The following COLEC11 variants were observed in gnomAD, a reference collection of about 807,000 sequenced individuals.
COLEC11 encodes collectin-11.
A neutral mutation model predicts 27.3 loss-of-function variants in COLEC11; 20 were observed. The observed-to-expected ratio is 0.73, with a 90% CI of 0.51 to 1.06. The LOEUF (loss-of-function observed/expected upper bound fraction) is 1.06, where lower values mean the gene tolerates loss of function less well. Among genes scored for constraint, COLEC11 ranks in the 50% least tolerant of loss-of-function variants. COLEC11 has a pLI of 0.00. For synonymous variants in COLEC11, 163 were observed against 154.7 expected, an observed-to-expected ratio of 1.05 and a Z score of -0.40; for missense variants, 310 against 383.0, an observed-to-expected ratio of 0.81 and a Z score of 1.59.
chr2:3,629,626 A>T (rs1037751680), intron 3 of COLEC11, among the ~76,000 whole-genome samples: 2 of 152,140 alleles, frequency 1.3e-5, no homozygotes, highest in Admixed American at 6.5e-5. Context: ...ATTTGTGTGT[A>T]TGTGCATATA....
intron 4 of COLEC11, among the ~76,000 whole-genome samples, chr2:3,639,114 C>T (rs1230980229): frequency 2.0e-5 from 3 of 152,330 alleles, no homozygotes; most frequent in Admixed American, 1.3e-4. Flanking sequence ...TCAGGGTTCA[C>T]CTGTGTGGTA....
chr2:3,630,684 C>G (rs556871509), intron 3 of COLEC11, among the ~76,000 whole-genome samples: 1 of 152,326 alleles, frequency 6.6e-6, no homozygotes, highest in East Asian at 1.9e-4. Context: ...GAGAAGGGCT[C>G]TGGTGAAGCT....
chr2:3,615,831 G>A (rs1353638874), intron 3 of COLEC11, among the ~76,000 whole-genome samples: 11 of 37,174 alleles, frequency 3.0e-4, no homozygotes, highest in African/African-American at 4.9e-4. Context: ...CCTCCCGGAC[G>A]CGGCGGCTGG....
chr2:3,616,697 G>A (rs1038749064), intron 3 of COLEC11, among the ~76,000 whole-genome samples: 11 of 152,350 alleles, frequency 7.2e-5, no homozygotes, highest in Admixed American at 3.9e-4. Context: ...GCAGTGAGCC[G>A]AGATGGCAGC....
Position 3,644,471 on chromosome 2 carries a change from G to C in COLEC11, c.*353G>C, listed in dbSNP as rs1666122692. 2.0e-6 allele frequency: 1 copy of C among 502,262 alleles called. No individual in the cohort carries two copies. Among genetic ancestry groups the C allele is most frequent in the African/African-American group, 1.9e-5 (1 of 51,844 alleles). 31.1% of individuals were successfully genotyped at this position (502,262 alleles called of 1,614,324 possible). A position where few individuals can be genotyped will look rare whatever the true frequency, so the allele number is the denominator to read the frequency against. On this transcript the variant is annotated 3_prime_UTR_variant, in exon 7 of 7. Transcript: ENST00000349077. Reference sequence around the variant, plus strand: ...AGTTAAGTCCAAATAGTGGCAATGGGGTCTTGAATTACTACCTTTTAATTT... The same window carrying C: ...AGTTAAGTCCAAATAGTGGCAATGGCGTCTTGAATTACTACCTTTTAATTT...
At chr2:3,628,628 C>T (rs13019094) in intron 3 of COLEC11, among the ~76,000 whole-genome samples, 1 of 152,086 alleles carries the variant, frequency 6.6e-6, no homozygotes, top group African/African-American at 2.4e-5. Flanking sequence ...CCCCACCCCC[C>T]ATTCGAGGAG....
At chr2:3,616,235 C>T (rs1663717305) in intron 3 of COLEC11, among the ~76,000 whole-genome samples, 1 of 150,774 alleles carries the variant, frequency 6.6e-6, no homozygotes, top group South Asian at 2.1e-4. Context: ...ACTTCCCAGA[C>T]AGGATGGCGG....
At chr2:3,641,431 AG>A (rs1394106776) in intron 5 of COLEC11, 2 of 1,285,118 alleles carry the variant, frequency 1.6e-6, no homozygotes, top group South Asian at 2.5e-5. Context: ...AAGGACCTGG[AG>A]GCAGGTGACG....
Position 3,604,398 on chromosome 2 carries a change from C to T in COLEC11, c.58C>T (p.Leu20=), listed in dbSNP as rs1662470575. The T allele has an allele frequency of 6.2e-7, 1 of 1,614,234 alleles. No individual in the cohort carries two copies. Among genetic ancestry groups the T allele is most frequent in the Non-Finnish European group, 8.5e-7 (1 of 1,180,028 alleles). Reference sequence around the variant, plus strand: ...AATCAGCCTGGCCTTCCTGTCACTGCTGCCATCTGGACATCCTCAGCCGGC... The same window carrying T: ...AATCAGCCTGGCCTTCCTGTCACTGTTGCCATCTGGACATCCTCAGCCGGC... The part of the protein sequence containing the change: ...VLISLAFLSL[L]PSGHPQPAGD... The change falls in exon 2 of 7, where the codon CTG becomes TTG. Residue 20 remains leucine (L), a synonymous_variant. Coordinates refer to ENST00000349077, the MANE Select transcript of COLEC11 (RefSeq NM_024027.5).
intron 3 of COLEC11, chr2:3,617,650 C>G (rs1663868032): frequency 2.5e-6 from 4 of 1,611,970 alleles, no homozygotes; most frequent in Non-Finnish European, 3.4e-6. Context: ...TATCGAATTT[C>G]TCGATCTCAG....
In COLEC11 at chr2:3,644,424, T is replaced by G. The variant is rs1344255723; in HGVS notation, c.*306T>G. The G allele has an allele frequency of 3.5e-6, 2 of 572,444 alleles. No individual in the cohort carries two copies. The highest frequency in any genetic ancestry group is 4.4e-5 in the Admixed American group (2 of 45,960). 35.5% of individuals were successfully genotyped at this position (572,444 alleles called of 1,614,324 possible). A position where few individuals can be genotyped will look rare whatever the true frequency, so the allele number is the denominator to read the frequency against. ...TTGTGCCTTTGTCCAAGCTATACAA[T>G]AAAATCTTTAAGTAGTGCAGTAGTT... On this transcript the variant is annotated 3_prime_UTR_variant, in exon 7 of 7. Coordinates refer to ENST00000349077, the MANE Select transcript of COLEC11 (RefSeq NM_024027.5).
At chr2:3,630,914 A>G (rs1206225400) in intron 3 of COLEC11, among the ~76,000 whole-genome samples, 1 of 152,194 alleles carries the variant, frequency 6.6e-6, no homozygotes, top group Non-Finnish European at 1.5e-5. Flanking sequence ...TTTGTCATTA[A>G]GATTGTACTG....
chr2:3,621,277 C>G (rs933839644), intron 3 of COLEC11, among the ~76,000 whole-genome samples: 11 of 152,054 alleles, frequency 7.2e-5, no homozygotes, highest in East Asian at 1.9e-4. Flanking sequence ...ATATAAAAAC[C>G]CTTTTTTACT....
chr2:3,606,707 G>C (rs551802486), intron 2 of COLEC11, among the ~76,000 whole-genome samples: 4 of 152,354 alleles, frequency 2.6e-5, no homozygotes, highest in Admixed American at 2.6e-4. Flanking sequence ...GTCCGCAAGC[G>C]AGAGGCGAGC....
At chr2:3,628,124 G>C (rs1572447328) in intron 3 of COLEC11, among the ~76,000 whole-genome samples, 1 of 152,246 alleles carries the variant, frequency 6.6e-6, no homozygotes. Flanking sequence ...CGTTTGGAAG[G>C]CCCTCCATCC....
intron 3 of COLEC11, among the ~76,000 whole-genome samples, chr2:3,623,564 G>T (rs2147915242): frequency 6.6e-6 from 1 of 150,570 alleles, no homozygotes; most frequent in East Asian, 2.0e-4. Context: ...CTTTTCTTTT[G>T]TTTGATCAAT....
chr2:3,643,681 T>C, intron 6 of COLEC11, 46 bp from the exon 7 acceptor site: 1 of 1,612,964 alleles, frequency 6.2e-7, no homozygotes, highest in Non-Finnish European at 8.5e-7. Context: ...TTAAGTTTGT[T>C]GCACACATAC....
At chr2:3,631,368 T>C (rs896326877) in intron 3 of COLEC11, among the ~76,000 whole-genome samples, 2 of 152,258 alleles carry the variant, frequency 1.3e-5, no homozygotes, top group African/African-American at 4.8e-5. Flanking sequence ...TTGCTTGTTC[T>C]CTTTGTGGAG....
chr2:3,619,706 A>G (rs1205574569), intron 3 of COLEC11, among the ~76,000 whole-genome samples: 1 of 151,496 alleles, frequency 6.6e-6, no homozygotes, highest in African/African-American at 2.4e-5. Context: ...GCTCACTGCA[A>G]CCTCCGCCTC....
Sources: gnomAD v4.1 joint callset for allele counts (sites outside exome capture counted in the v4.1 genomes callset) on GRCh38, gnomAD v4.1.1 for gene constraint, MANE v1.5 for transcripts, NCBI Gene and HGNC (gene_info 2026-07-23, HGNC 2026-07-21) for gene names.